The following TNR variants were observed in gnomAD, a reference collection of about 807,000 sequenced individuals.
TNR encodes the protein tenascin R.
TNR carries 45 observed loss-of-function variants against 150.4 expected under a neutral mutation model. The observed-to-expected ratio is 0.30, with a 90% confidence interval of 0.24 to 0.38. TNR has a LOEUF of 0.38. Among genes scored for constraint, TNR ranks in the 10% least tolerant of loss-of-function variants. The probability of loss-of-function intolerance (pLI) is 1.00; values close to 1 mark genes in which losing one functional copy is unlikely to be tolerated. For synonymous variants in TNR, 687 were observed against 678.4 expected (o/e 1.01, Z -0.20); for missense variants, 1,544 against 1,759.1 (o/e 0.88, Z 2.19).
chr1:175,436,043 T>C (rs1356591885), intron 2 of TNR, among the ~76,000 whole-genome samples: 2 of 152,232 alleles, frequency 1.3e-5, no homozygotes, highest in East Asian at 1.9e-4. Flanking sequence ...GTGGGTAACC[T>C]GACCTTTCTC....
At chr1:175,693,011 T>C (rs1219338148) in intron 1 of TNR, among the ~76,000 whole-genome samples, 1 of 152,178 alleles carries the variant, frequency 6.6e-6, no homozygotes, top group Admixed American at 6.5e-5. Context: ...CAATATGCCA[T>C]TGAGGAAAAC....
intron 1 of TNR, among the ~76,000 whole-genome samples, chr1:175,577,191 A>T (rs1260975715): frequency 6.6e-6 from 1 of 152,118 alleles, no homozygotes; most frequent in African/African-American, 2.4e-5. Flanking sequence ...TCTGGATCCA[A>T]CTCTAGAGAC....
At chr1:175,719,045 A>C (rs1009338140) in intron 1 of TNR, among the ~76,000 whole-genome samples, 1 of 152,190 alleles carries the variant, frequency 6.6e-6, no homozygotes, top group East Asian at 1.9e-4. Context: ...ATCCAGGCCT[A>C]TCTGTGGCCT....
At chr1:175,435,494 C>T (rs1387430301) in intron 2 of TNR, among the ~76,000 whole-genome samples, 4 of 151,994 alleles carry the variant, frequency 2.6e-5, no homozygotes, top group African/African-American at 4.8e-5. Flanking sequence ...TTTGAGATAG[C>T]GATTAGAATT....
chr1:175,331,054 T>C (rs866923153), intron 20 of TNR, among the ~76,000 whole-genome samples: 30 of 105,712 alleles, frequency 2.8e-4, no homozygotes, highest in African/African-American at 8.9e-4. Flanking sequence ...TCTTTCTTTC[T>C]TTCTTTCTTT....
At chr1:175,497,153 GA>G (rs1257374862) in intron 2 of TNR, among the ~76,000 whole-genome samples, 6 of 152,232 alleles carry the variant, frequency 3.9e-5, no homozygotes, top group African/African-American at 1.4e-4. Flanking sequence ...TCCTTCAGGG[GA>G]AAAAAATGGT....
At chr1:175,396,479 A>G in intron 5 of TNR, 65 bp downstream of exon 5, 1 of 1,558,800 alleles carries the variant, frequency 6.4e-7, no homozygotes, top group Non-Finnish European at 8.7e-7. Context: ...CGCTACTATC[A>G]TGAATGCCCA....
chr1:175,640,530 C>G (rs1664622772), intron 1 of TNR, among the ~76,000 whole-genome samples: 1 of 152,118 alleles, frequency 6.6e-6, no homozygotes, highest in South Asian at 2.1e-4. Flanking sequence ...CTTACTTTGC[C>G]CTACCTACTT....
intron 1 of TNR, among the ~76,000 whole-genome samples, chr1:175,562,934 A>G (rs894352294): frequency 5.9e-5 from 9 of 152,254 alleles, no homozygotes; most frequent in Admixed American, 4.6e-4. Flanking sequence ...ATTCAATCAA[A>G]TGATTGGCCA....
chr1:175,572,307 A>G (rs1661906438), intron 1 of TNR, among the ~76,000 whole-genome samples: 1 of 152,240 alleles, frequency 6.6e-6, no homozygotes, highest in South Asian at 2.1e-4. Flanking sequence ...AGGATACCAT[A>G]AAGAATATGA....
At chr1:175,613,446 T>C (rs1663662243) in intron 1 of TNR, among the ~76,000 whole-genome samples, 2 of 152,010 alleles carry the variant, frequency 1.3e-5, no homozygotes, top group African/African-American at 4.8e-5. Context: ...CATATCCCCC[T>C]CCATCAACCC....
Position 175,403,093 on chromosome 1 carries a change from T to C in TNR, c.976+47A>G, listed in dbSNP as rs572853102. On this transcript the variant is annotated intron_variant, in intron 4 of 22. Transcript: ENST00000367674. Reference sequence around the variant, plus strand: ...AGCTAACTGGAGGCATCCAGCTAGTTTGCTGGACCACCCTTGCCAAACACC... The same window carrying C: ...AGCTAACTGGAGGCATCCAGCTAGTCTGCTGGACCACCCTTGCCAAACACC... 3.3e-6 allele frequency: 5 copies of C among 1,529,332 alleles called. No individual in the cohort carries two copies. In the East Asian group the frequency reaches 9.1e-5, roughly 28 times the overall value. 94.7% of individuals were successfully genotyped at this position (1,529,332 alleles called of 1,614,324 possible).
At chr1:175,331,054 T>TTTCCTTC (rs1557867696) in intron 20 of TNR, among the ~76,000 whole-genome samples, 3 of 105,728 alleles carry the variant, frequency 2.8e-5, no homozygotes, top group Non-Finnish European at 3.9e-5. Context: ...TCTTTCTTTC[T>TTTCCTTC]TTCTTTCTTT....
chr1:175,393,820 G>A lies in TNR; in HGVS notation c.1316C>T (p.Ser439Leu), dbSNP rs866129270. Residue 439 changes from serine to leucine, a missense_variant, in exon 6 of 23, where the codon TCA (serine) becomes TTA (leucine). Ser to Leu is a moderately radical substitution (Grantham distance 145). Coordinates refer to ENST00000367674, the MANE Select transcript of TNR (RefSeq NM_003285.3). ...GATTTCCCACCCATCGAAGGAAAATGAGAAGGGCTCCCACTGCACCTCCAC... is the reference window on the plus strand; with the variant it reads ...GATTTCCCACCCATCGAAGGAAAATAAGAAGGGCTCCCACTGCACCTCCAC... The part of the protein sequence containing the change: ...TTVEVQWEPF[S>L]FSFDGWEISF... 5.6e-6 allele frequency: 9 copies of A among 1,614,194 alleles called. 1 individual carries two copies. Among genetic ancestry groups the A allele is most frequent in the Non-Finnish European group, 7.6e-6 (9 of 1,180,020 alleles).
chr1:175,435,127 A>G (rs1255280152), intron 2 of TNR, among the ~76,000 whole-genome samples: 1 of 152,196 alleles, frequency 6.6e-6, no homozygotes, highest in Non-Finnish European at 1.5e-5. Flanking sequence ...GTATGTTTTG[A>G]AAGATCACTT....
intron 15 of TNR, 56 bp downstream of exon 15, chr1:175,359,556 C>T: frequency 1.9e-6 from 3 of 1,611,558 alleles, no homozygotes; most frequent in Non-Finnish European, 1.7e-6. Flanking sequence ...TACTGGTCTG[C>T]AGCTCCAATT....
At chr1:175,447,780 A>G (rs1333400222) in intron 2 of TNR, among the ~76,000 whole-genome samples, 1 of 152,236 alleles carries the variant, frequency 6.6e-6, no homozygotes, top group African/African-American at 2.4e-5. Context: ...CCGTGTGGTC[A>G]GGGAGATGTG....
chr1:175,627,086 G>T (rs1047134681), intron 1 of TNR, among the ~76,000 whole-genome samples: 2 of 152,190 alleles, frequency 1.3e-5, no homozygotes, highest in Non-Finnish European at 2.9e-5. Context: ...ACATAAAATT[G>T]TCTTGTTTTA....
intron 8 of TNR, among the ~76,000 whole-genome samples, chr1:175,380,580 A>G (rs1652627412): frequency 6.6e-6 from 1 of 151,918 alleles, no homozygotes; most frequent in Non-Finnish European, 1.5e-5. Flanking sequence ...CCAAAGGAAA[A>G]AAAAAAAAAA....
Sources: gnomAD v4.1 joint callset for allele counts (sites outside exome capture counted in the v4.1 genomes callset) on GRCh38, gnomAD v4.1.1 for gene constraint, MANE v1.5 for transcripts, NCBI Gene and HGNC (gene_info 2026-07-23, HGNC 2026-07-21) for gene names.